CCDC15: variants seen among roughly 807,000 people sequenced by gnomAD.
CCDC15 encodes coiled-coil domain-containing protein 15.
A neutral mutation model predicts 114.5 loss-of-function variants in CCDC15; 105 were observed. The observed-to-expected ratio is 0.92, with a 90% confidence interval of 0.78 to 1.08. The LOEUF is 1.08. Ranked by LOEUF, CCDC15 falls within the 50% of genes least tolerant of loss-of-function variation. The pLI is 0.00. For synonymous variants in CCDC15, 334 were observed against 377.8 expected, an observed-to-expected ratio of 0.88 and a Z score of 1.34; for missense variants, 1,105 against 1,093.6, an observed-to-expected ratio of 1.01 and a Z score of -0.15.
chr11:125,030,995 C>T (rs1948734992), intron 13 of CCDC15, among the ~76,000 whole-genome samples: 1 of 152,348 alleles, frequency 6.6e-6, no homozygotes, highest in Non-Finnish European at 1.5e-5. Flanking sequence ...CCCCAGATTT[C>T]TTTGTCACCA....
chr11:124,982,245 C>T (rs73619296), intron 6 of CCDC15, among the ~76,000 whole-genome samples: 1 of 152,144 alleles, frequency 6.6e-6, no homozygotes, highest in South Asian at 2.1e-4. Context: ...CTTTACCCAA[C>T]TTGCCACTCT....
chr11:125,028,565 A>C (rs1948719723), intron 13 of CCDC15, among the ~76,000 whole-genome samples: 1 of 151,978 alleles, frequency 6.6e-6, no homozygotes, highest in Admixed American at 6.6e-5. Context: ...AAAGGGACTG[A>C]GTTCTTGATT....
intron 11 of CCDC15, among the ~76,000 whole-genome samples, chr11:124,999,064 G>A (rs1047900125): frequency 1.3e-5 from 2 of 151,914 alleles, no homozygotes; most frequent in Non-Finnish European, 2.9e-5. Context: ...GACTCTTTTT[G>A]TTGCTTGCAC....
chr11:125,039,264 T>G (rs1948799426), intron 15 of CCDC15, 195 bp downstream of exon 15: 1 of 448,544 alleles, frequency 2.2e-6, no homozygotes, highest in Admixed American at 4.0e-5. Flanking sequence ...TGTTATCTTC[T>G]TGTCTCCATT....
chr11:125,012,505 A>T (rs899954740), intron 13 of CCDC15, among the ~76,000 whole-genome samples: 1 of 152,226 alleles, frequency 6.6e-6, no homozygotes, highest in African/African-American at 2.4e-5. Context: ...TATTCAAATA[A>T]GTAATATAAT....
rs183285667 is a variant in CCDC15 at position 124,972,210 on chromosome 11, C to T, written c.517-2886C>T. 1.5e-3 allele frequency among the ~76,000 whole-genome samples: 234 copies of T among 152,182 alleles called. 1 individual carries two copies. The highest frequency in any genetic ancestry group is 1.5e-3 in the Non-Finnish European group (102 of 68,000). On this transcript the variant is annotated intron_variant, in intron 4 of 15. Coordinates refer to ENST00000344762, the MANE Select transcript of CCDC15 (RefSeq NM_025004.3). ...GGAATCTAAGCCTTAGAGATTTAAT[C>T]GTAGTCTGTTAATAACAGTTAACTA...
chr11:125,007,126 T>C (rs1324826062), intron 13 of CCDC15, among the ~76,000 whole-genome samples: 1 of 152,208 alleles, frequency 6.6e-6, no homozygotes, highest in Non-Finnish European at 1.5e-5. Flanking sequence ...TGTTTTGAAA[T>C]ATACAATAAA....
At chr11:125,012,304 G>T (rs1948597885) in intron 13 of CCDC15, among the ~76,000 whole-genome samples, 1 of 152,106 alleles carries the variant, frequency 6.6e-6, no homozygotes, top group Non-Finnish European at 1.5e-5. Flanking sequence ...AAAAATGTGG[G>T]TCTCATGATA....
At chr11:124,958,187 C>T (rs555308128) in intron 2 of CCDC15, among the ~76,000 whole-genome samples, 1 of 152,234 alleles carries the variant, frequency 6.6e-6, no homozygotes, top group South Asian at 2.1e-4. Flanking sequence ...GATTATTATT[C>T]AAAGCACTTA....
intron 4 of CCDC15, among the ~76,000 whole-genome samples, chr11:124,963,941 C>T (rs769430667): frequency 6.6e-6 from 1 of 152,138 alleles, no homozygotes; most frequent in Non-Finnish European, 1.5e-5. Flanking sequence ...TGTCAAAGAT[C>T]AGATGGTTGT....
At chr11:125,031,386 C>T (rs962380801) in intron 13 of CCDC15, among the ~76,000 whole-genome samples, 4 of 152,204 alleles carry the variant, frequency 2.6e-5, no homozygotes, top group South Asian at 2.1e-4. Context: ...GCATTTGAGC[C>T]ACTTCCTCAC....
At chr11:125,001,801 A>G (rs930153202) in intron 11 of CCDC15, among the ~76,000 whole-genome samples, 1 of 152,102 alleles carries the variant, frequency 6.6e-6, no homozygotes, top group Non-Finnish European at 1.5e-5. Context: ...CAATTCATCT[A>G]TTGATGGAAG....
intron 13 of CCDC15, among the ~76,000 whole-genome samples, chr11:125,014,498 T>C (rs903514167): frequency 6.6e-6 from 1 of 152,130 alleles, no homozygotes; most frequent in Non-Finnish European, 1.5e-5. Flanking sequence ...TGTGCTCAGG[T>C]AACTAGAGGA....
rs929271086 is a variant in CCDC15, at chr11:124,954,368, C to T, written c.-12C>T. 1.5e-5 allele frequency: 3 copies of T among 195,166 alleles called. No homozygotes were observed. Among genetic ancestry groups the T allele is most frequent in the African/African-American group, 7.0e-5 (3 of 42,662 alleles). The allele number at this position is 195,166 out of a possible 1,614,324, so 12.1% of individuals were successfully genotyped here. On this transcript the variant is annotated splice_region_variant and 5_prime_UTR_variant, in exon 1 of 16. Transcript: ENST00000344762. ...TTATTGGGACTCTCGGCTGCAGACA[C>T]AGGTCCCCGCCCCTCCCTCTTTCTC...
At chr11:124,973,564 A>C (rs1453490721) in intron 4 of CCDC15, among the ~76,000 whole-genome samples, 1 of 152,108 alleles carries the variant, frequency 6.6e-6, no homozygotes, top group Non-Finnish European at 1.5e-5. Context: ...CTGTAAAAAA[A>C]TCTGGGCTGG....
intron 6 of CCDC15, among the ~76,000 whole-genome samples, chr11:124,984,020 AG>A (rs1183154771): frequency 6.6e-6 from 1 of 151,348 alleles, no homozygotes; most frequent in Non-Finnish European, 1.5e-5. Flanking sequence ...CGTGCAGGGC[AG>A]GGGGTAGGGC....
intron 4 of CCDC15, among the ~76,000 whole-genome samples, chr11:124,961,764 G>T (rs1043350765): frequency 6.6e-6 from 1 of 152,052 alleles, no homozygotes; most frequent in Non-Finnish European, 1.5e-5. Flanking sequence ...GAGCTCAAGG[G>T]ATCCGCCTGC....
intron 5 of CCDC15, among the ~76,000 whole-genome samples, chr11:124,976,482 T>G: frequency 6.6e-6 from 1 of 152,140 alleles, no homozygotes; most frequent in East Asian, 1.9e-4. Context: ...CCTCAGAGTT[T>G]CTTTTGTACC....
intron 13 of CCDC15, among the ~76,000 whole-genome samples, chr11:125,007,246 C>T (rs1028715450): frequency 6.6e-6 from 1 of 152,210 alleles, no homozygotes; most frequent in East Asian, 1.9e-4. Context: ...CTCCTCCCTT[C>T]CCACCCTCTG....
Sources: allele counts gnomAD v4.1 joint callset (sites outside exome capture counted in the v4.1 genomes callset), GRCh38; gene constraint gnomAD v4.1.1; transcripts MANE v1.5; gene names NCBI Gene and HGNC (gene_info 2026-07-23, HGNC 2026-07-21).